LONP2: variants seen among roughly 807,000 people sequenced by gnomAD.
LONP2 encodes the protein lon peptidase 2, peroxisomal.
A neutral mutation model predicts 85.6 loss-of-function variants in LONP2; 60 were observed. The observed-to-expected ratio is 0.70, with a 90% CI of 0.57 to 0.87. The LOEUF (loss-of-function observed/expected upper bound fraction) is 0.87. Among genes scored for constraint, LONP2 ranks in the 40% least tolerant of loss-of-function variants. The probability of loss-of-function intolerance (pLI) is 0.00; values close to 1 mark genes in which losing one functional copy is unlikely to be tolerated. For synonymous variants in LONP2, 395 were observed against 389.7 expected (o/e 1.01, Z -0.16); for missense variants, 860 against 1,063.5 (o/e 0.81, Z 2.66).
At chr16:48,286,652 A>C (rs1008138727) in intron 8 of LONP2, among the ~76,000 whole-genome samples, 1 of 151,868 alleles carries the variant, frequency 6.6e-6, no homozygotes, top group Admixed American at 6.6e-5. Flanking sequence ...CTACAGGCAC[A>C]CACCAGCATG....
At chr16:48,260,857 A>G (rs530869177) in intron 4 of LONP2, among the ~76,000 whole-genome samples, 18 of 152,370 alleles carry the variant, frequency 1.2e-4, no homozygotes, top group African/African-American at 3.8e-4. Context: ...TGGTGGTTAT[A>G]GCCACTTGCT....
intron 12 of LONP2, among the ~76,000 whole-genome samples, chr16:48,337,586 T>G (rs1959688880): frequency 6.6e-6 from 1 of 152,196 alleles, no homozygotes; most frequent in African/African-American, 2.4e-5. Context: ...TGCTGTTTAT[T>G]ACTCTAGAAA....
intron 13 of LONP2, 82 bp downstream of exon 13, chr16:48,347,796 G>T (rs1960017269): frequency 1.5e-6 from 2 of 1,298,626 alleles, no homozygotes. Context: ...GCTCGAGACT[G>T]CCAGTTACAC....
chr16:48,336,434 C>T (rs777395647), intron 12 of LONP2: 3 of 456,140 alleles, frequency 6.6e-6, no homozygotes, highest in South Asian at 1.5e-5. Flanking sequence ...CACATGCGTG[C>T]GTGCGGAGAG....
At chr16:48,257,934 T>C (rs1971794098) in intron 3 of LONP2, among the ~76,000 whole-genome samples, 1 of 152,228 alleles carries the variant, frequency 6.6e-6, no homozygotes, top group Non-Finnish European at 1.5e-5. Context: ...TATGTAAACA[T>C]TTAATATTTT....
intron 11 of LONP2, among the ~76,000 whole-genome samples, chr16:48,320,454 C>G (rs1308813118): frequency 6.6e-6 from 1 of 151,936 alleles, no homozygotes; most frequent in African/African-American, 2.4e-5. Flanking sequence ...TAGGCACTGG[C>G]TCATTGGTAC....
chr16:48,327,000 T>C (rs1279602232), intron 11 of LONP2, among the ~76,000 whole-genome samples: 2 of 152,240 alleles, frequency 1.3e-5, no homozygotes, highest in Admixed American at 1.3e-4. Flanking sequence ...CCCTCCATAA[T>C]AGCTGTGCTT....
intron 11 of LONP2, among the ~76,000 whole-genome samples, chr16:48,303,586 T>C (rs1972852875): frequency 6.6e-6 from 1 of 152,172 alleles, no homozygotes; most frequent in Non-Finnish European, 1.5e-5. Flanking sequence ...ACTAATAGGA[T>C]AGATGTGTAT....
intron 12 of LONP2, among the ~76,000 whole-genome samples, chr16:48,343,336 G>T (rs150027816): frequency 1.3e-5 from 2 of 152,318 alleles, no homozygotes; most frequent in South Asian, 2.1e-4. Flanking sequence ...TAAGAGGGAA[G>T]AGTAGTGTGA....
chr16:48,292,724 GT>G (rs1972581341), intron 8 of LONP2, among the ~76,000 whole-genome samples: 1 of 152,232 alleles, frequency 6.6e-6, no homozygotes, highest in Admixed American at 6.5e-5. Context: ...ACACCAAGCT[GT>G]AAGCAATCCC....
At chr16:48,351,469 T>G in intron 14 of LONP2, 112 bp from the exon 15 acceptor site, 2 of 780,474 alleles carry the variant, frequency 2.6e-6, no homozygotes, top group Non-Finnish European at 4.0e-6. Context: ...CGGAAGATGA[T>G]TTGGATGTTT....
chr16:48,305,594 C>G (rs534769765), intron 11 of LONP2, among the ~76,000 whole-genome samples: 1 of 152,068 alleles, frequency 6.6e-6, no homozygotes, highest in Admixed American at 6.6e-5. Flanking sequence ...TTGGGAGAAT[C>G]TAGAAAACTT....
At chr16:48,336,439 GGA>G in intron 12 of LONP2, 1 of 456,190 alleles carries the variant, frequency 2.2e-6, no homozygotes, top group Non-Finnish European at 4.4e-6. Flanking sequence ...GCGTGCGTGC[GGA>G]GAGACCACCA....
At chr16:48,349,622 A>T (rs1025289558) in intron 14 of LONP2, among the ~76,000 whole-genome samples, 1 of 152,200 alleles carries the variant, frequency 6.6e-6, no homozygotes, top group Non-Finnish European at 1.5e-5. Context: ...ACTTGAAAGA[A>T]AGGCCTGTGA....
chr16:48,255,187 A>G (rs1475916170), intron 2 of LONP2, among the ~76,000 whole-genome samples: 1 of 152,214 alleles, frequency 6.6e-6, no homozygotes, highest in Non-Finnish European at 1.5e-5. Flanking sequence ...TTTCTGGCTC[A>G]TGCTTCATGC....
chr16:48,269,615 TTTC>T (rs1333137181), intron 6 of LONP2, among the ~76,000 whole-genome samples: 4 of 152,182 alleles, frequency 2.6e-5, no homozygotes, highest in Non-Finnish European at 5.9e-5. Context: ...GGGTAACTGT[TTTC>T]TTCTTTTCTG....
chr16:48,284,154 A>G (rs1972388078), intron 8 of LONP2, among the ~76,000 whole-genome samples: 1 of 152,244 alleles, frequency 6.6e-6, no homozygotes, highest in Non-Finnish European at 1.5e-5. Flanking sequence ...ACAGATGAGC[A>G]AAGAAAGCGG....
chr16:48,296,183 C>G lies in LONP2; in HGVS notation c.1534+18C>G. 1.9e-6 allele frequency: 3 copies of G among 1,611,520 alleles called. No individual in the cohort carries two copies. The highest frequency in any genetic ancestry group is 2.5e-6 in the Non-Finnish European group (3 of 1,178,944). ...GGTTCCAGGTACCTGACTCTTAAAT[C>G]ATTATGATACATCTTGCCTTTCTGA... On this transcript the variant is annotated intron_variant, in intron 9 of 14. Transcript: ENST00000285737.
Position 48,255,667 on chromosome 16 carries a change from C to G in LONP2, c.469-943C>G, listed in dbSNP as rs188836832. Among the ~76,000 whole-genome samples, 37 of 151,910 alleles carry G rather than the reference C, an allele frequency of 2.4e-4. No homozygotes were observed. The East Asian group carries it at 6.6e-3, about 27-fold the overall frequency. On this transcript the variant is annotated intron_variant, in intron 2 of 14. Transcript: ENST00000285737. ...AATTCCCATGTGTCAGGGGGCGGTG[C>G]CAGGTGTAGATAATTGAATTATGGG... is the stretch of plus-strand genomic sequence containing the variant.
Sources: gnomAD v4.1 joint callset for allele counts (sites outside exome capture counted in the v4.1 genomes callset) on GRCh38, gnomAD v4.1.1 for gene constraint, MANE v1.5 for transcripts, NCBI Gene and HGNC (gene_info 2026-07-23, HGNC 2026-07-21) for gene names.